RALYL: variants seen among roughly 807,000 people sequenced by gnomAD.
The protein encoded by RALYL is RALY RNA binding protein like.
Under a neutral mutation model 35.1 loss-of-function variants are expected in RALYL, and 29 were observed. The ratio of observed to expected loss-of-function variants is 0.83; its 90% CI spans 0.61 to 1.13. The LOEUF is 1.13. Among genes scored for constraint, RALYL ranks in the 50% most tolerant of loss-of-function variants. RALYL has a pLI of 0.00. For synonymous variants in RALYL, 120 were observed against 127.6 expected (o/e 0.94, Z 0.40); for missense variants, 359 against 360.4 (o/e 1.00, Z 0.03).
At chr8:84,214,721 T>C (rs1054570920) in intron 1 of RALYL, among the ~76,000 whole-genome samples, 17 of 152,132 alleles carry the variant, frequency 1.1e-4, no homozygotes, top group African/African-American at 3.9e-4. Context: ...ATCACTGTCA[T>C]GTTACCAGTG....
intron 4 of RALYL, among the ~76,000 whole-genome samples, chr8:84,831,567 C>A (rs1323915024): frequency 6.6e-6 from 1 of 152,070 alleles, no homozygotes; most frequent in African/African-American, 2.4e-5. Flanking sequence ...TGTTCTTTAA[C>A]TGGGAACTTT....
chr8:84,736,314 C>T (rs1054401710), intron 2 of RALYL, among the ~76,000 whole-genome samples: 2 of 151,916 alleles, frequency 1.3e-5, no homozygotes, highest in Middle Eastern at 3.4e-3. Context: ...CTATCTATTA[C>T]GTTAAGAAGA....
intron 1 of RALYL, among the ~76,000 whole-genome samples, chr8:84,266,290 C>A (rs1034567498): frequency 2.6e-5 from 4 of 151,988 alleles, no homozygotes; most frequent in Admixed American, 1.3e-4. Context: ...CGAATTCAAA[C>A]CCTAGTTCTC....
intron 1 of RALYL, among the ~76,000 whole-genome samples, chr8:84,360,499 A>G (rs1022643546): frequency 6.6e-6 from 1 of 152,206 alleles, no homozygotes; most frequent in Admixed American, 6.5e-5. Flanking sequence ...TGTGTTATTC[A>G]TTCCAATGAA....
chr8:84,739,304 GA>G (rs1309128381), intron 2 of RALYL, among the ~76,000 whole-genome samples: 2 of 151,642 alleles, frequency 1.3e-5, no homozygotes, highest in African/African-American at 4.8e-5. Context: ...ACTGGAAAGA[GA>G]AAAAAGCTAT....
intron 1 of RALYL, among the ~76,000 whole-genome samples, chr8:84,228,861 GCTCA>G (rs1824630782): frequency 6.6e-6 from 1 of 152,116 alleles, no homozygotes; most frequent in Non-Finnish European, 1.5e-5. Context: ...TCTCCGGAAA[GCTCA>G]CTCACTATCA....
chr8:84,722,973 T>A (rs1375884512), intron 2 of RALYL, among the ~76,000 whole-genome samples: 3 of 151,886 alleles, frequency 2.0e-5, no homozygotes, highest in Non-Finnish European at 4.4e-5. Flanking sequence ...ACACAAAATA[T>A]CTACAATTTC....
chr8:84,695,673 A>G (rs1398383427), intron 2 of RALYL, among the ~76,000 whole-genome samples: 1 of 151,862 alleles, frequency 6.6e-6, no homozygotes, highest in East Asian at 1.9e-4. Flanking sequence ...GAGGTATAGA[A>G]TTCTATTTAC....
chr8:84,510,206 T>C (rs1356977233), intron 1 of RALYL, among the ~76,000 whole-genome samples: 2 of 152,228 alleles, frequency 1.3e-5, no homozygotes, highest in Non-Finnish European at 2.9e-5. Flanking sequence ...ATAAGTTGTA[T>C]ACATATTTTG....
intron 2 of RALYL, among the ~76,000 whole-genome samples, chr8:84,724,872 C>T (rs778840485): frequency 1.6e-4 from 24 of 151,558 alleles, no homozygotes; most frequent in Non-Finnish European, 2.5e-4. Context: ...TTTCACAATG[C>T]TTAATTAATC....
intron 2 of RALYL, among the ~76,000 whole-genome samples, chr8:84,753,485 T>A (rs553986059): frequency 6.6e-6 from 1 of 152,266 alleles, no homozygotes; most frequent in Admixed American, 6.5e-5. Flanking sequence ...GGCAGAATGA[T>A]AAGATTTGAG....
At chr8:84,773,895 A>G (rs1256949229) in intron 2 of RALYL, among the ~76,000 whole-genome samples, 1 of 152,236 alleles carries the variant, frequency 6.6e-6, no homozygotes, top group East Asian at 1.9e-4. Context: ...AATGAAAATC[A>G]GAAGAACATT....
At chr8:84,828,476 G>A (rs1173643407) in intron 4 of RALYL, 2 of 151,890 alleles carry the variant, frequency 1.3e-5, no homozygotes, top group Non-Finnish European at 2.9e-5. Flanking sequence ...AGTATTTATG[G>A]AGGTCACTGG....
intron 1 of RALYL, among the ~76,000 whole-genome samples, chr8:84,405,361 G>C (rs2043363008): frequency 6.6e-6 from 1 of 152,068 alleles, no homozygotes; most frequent in Non-Finnish European, 1.5e-5. Flanking sequence ...ATTAAGATCA[G>C]AGCATTACTG....
intron 2 of RALYL, among the ~76,000 whole-genome samples, chr8:84,759,597 C>G (rs1812215132): frequency 6.6e-6 from 1 of 152,104 alleles, no homozygotes; most frequent in Non-Finnish European, 1.5e-5. Context: ...ATATATACAT[C>G]TGGTGTCAGA....
At chr8:84,364,229 T>A (rs548056346) in intron 1 of RALYL, among the ~76,000 whole-genome samples, 1 of 152,298 alleles carries the variant, frequency 6.6e-6, no homozygotes, top group African/African-American at 2.4e-5. Context: ...TGAGGGAGGC[T>A]GCCATTTTCA....
chr8:84,596,182 A>T (rs1814483744), intron 2 of RALYL, among the ~76,000 whole-genome samples: 1 of 152,108 alleles, frequency 6.6e-6, no homozygotes, highest in Non-Finnish European at 1.5e-5. Flanking sequence ...CTACATAAAT[A>T]TATTGACACT....
At chr8:84,491,489 A>C (rs1400203391) in intron 1 of RALYL, among the ~76,000 whole-genome samples, 3 of 151,988 alleles carry the variant, frequency 2.0e-5, no homozygotes, top group African/African-American at 7.2e-5. Context: ...TGTCCTTAAC[A>C]TGGAATTTCC....
intron 1 of RALYL, among the ~76,000 whole-genome samples, chr8:84,245,201 G>A (rs926255799): frequency 4.6e-5 from 7 of 152,234 alleles, no homozygotes; most frequent in African/African-American, 1.2e-4. Context: ...AGAGAGGGAC[G>A]CTGTTTCTGT....
Sources: gnomAD v4.1 joint callset for allele counts (sites outside exome capture counted in the v4.1 genomes callset) on GRCh38, gnomAD v4.1.1 for gene constraint, MANE v1.5 for transcripts, NCBI Gene and HGNC (gene_info 2026-07-23, HGNC 2026-07-21) for gene names.